Variants in TTBK2 observed in about 807,000 individuals in gnomAD.
The protein encoded by TTBK2 is tau tubulin kinase 2.
In TTBK2, 28 loss-of-function variants were observed where a neutral mutation model predicts 110.8. The ratio of observed to expected loss-of-function variants is 0.25; its 90% CI spans 0.19 to 0.35. The LOEUF (loss-of-function observed/expected upper bound fraction) is 0.35, where lower values mean the gene tolerates loss of function less well. Ranked by LOEUF, TTBK2 falls within the 10% of genes least tolerant of loss-of-function variation. The pLI, the probability that TTBK2 is intolerant of heterozygous loss-of-function variation, is 1.00. For synonymous variants in TTBK2, 532 were observed against 527.3 expected (o/e 1.01, Z -0.12); for missense variants, 1,369 against 1,500.3 (o/e 0.91, Z 1.45).
intron 1 of TTBK2, among the ~76,000 whole-genome samples, chr15:42,904,892 C>A (rs2682074): frequency 6.7e-6 from 1 of 150,092 alleles, no homozygotes. Flanking sequence ...TTTTTTTTGA[C>A]GCAGGGTCTT....
chr15:42,906,678 T>A (rs1255171818), intron 1 of TTBK2, among the ~76,000 whole-genome samples: 12 of 152,082 alleles, frequency 7.9e-5, no homozygotes. Context: ...AATAGATAAT[T>A]GGGATTATAT....
intron 6 of TTBK2, among the ~76,000 whole-genome samples, chr15:42,825,025 T>C (rs1892469079): frequency 6.6e-6 from 1 of 152,204 alleles, no homozygotes; most frequent in South Asian, 2.1e-4. Context: ...GGCAGGAAGA[T>C]CACCTGAGCC....
upstream of TTBK2, among the ~76,000 whole-genome samples, chr15:42,920,973 C>G (rs948908948): frequency 6.6e-6 from 1 of 152,184 alleles, no homozygotes; most frequent in Non-Finnish European, 1.5e-5. Flanking sequence ...CAGAAACCGT[C>G]TCCGCCCCCC....
intron 2 of TTBK2, among the ~76,000 whole-genome samples, chr15:42,874,939 T>G (rs1435416618): frequency 1.4e-5 from 2 of 146,996 alleles, no homozygotes. Flanking sequence ...TGAGCCAAGA[T>G]CACACCATTG....
intron 10 of TTBK2, among the ~76,000 whole-genome samples, chr15:42,791,040 T>C (rs533926514): frequency 2.8e-4 from 43 of 152,088 alleles, no homozygotes; most frequent in Non-Finnish European, 4.6e-4. Flanking sequence ...CCTGCCACCA[T>C]GCCTGGCTAA....
At chr15:42,908,962 T>G (rs1265401377) in intron 1 of TTBK2, among the ~76,000 whole-genome samples, 1 of 152,196 alleles carries the variant, frequency 6.6e-6, no homozygotes, top group East Asian at 1.9e-4. Flanking sequence ...GTAACAAATA[T>G]GACAAATTTA....
At chr15:42,789,889 T>G (rs1221379194) in intron 10 of TTBK2, among the ~76,000 whole-genome samples, 1 of 53,294 alleles carries the variant, frequency 1.9e-5, no homozygotes, top group Non-Finnish European at 4.6e-5. Context: ...ATACATTTTC[T>G]TTATCAATTT....
At chr15:42,811,873 A>G in intron 7 of TTBK2, 93 bp from the exon 8 acceptor site, 3 of 1,105,432 alleles carry the variant, frequency 2.7e-6, no homozygotes, top group Middle Eastern at 2.0e-4. Context: ...TCACCTTATT[A>G]GGCTAAAAAT....
intron 2 of TTBK2, among the ~76,000 whole-genome samples, chr15:42,873,001 T>A (rs1308891154): frequency 6.6e-6 from 1 of 152,160 alleles, no homozygotes; most frequent in Non-Finnish European, 1.5e-5. Flanking sequence ...TCACAAACAA[T>A]TTTAAAATTT....
At chr15:42,792,431 C>A (rs1465584402) in intron 10 of TTBK2, among the ~76,000 whole-genome samples, 3 of 152,174 alleles carry the variant, frequency 2.0e-5, no homozygotes, top group African/African-American at 7.2e-5. Flanking sequence ...CGTCACTCCA[C>A]TAATGAAGGA....
rs56389924 is a variant in TTBK2 at position 42,900,286 on chromosome 15, C to T, written c.-68+20152G>A. 3.0e-3 allele frequency among the ~76,000 whole-genome samples: 458 copies of T among 152,150 alleles called. 2 individuals are homozygous for T. The highest frequency in any genetic ancestry group is 0.011 in the African/African-American group (440 of 41,542). On this transcript the variant is annotated intron_variant, in intron 1 of 14. Coordinates refer to ENST00000267890, the MANE Select transcript of TTBK2 (RefSeq NM_173500.4). ...GGATTACAGGCATGAGCCACCGCAC[C>T]CAGCCTAGAAAAGTTCTTTATGTTT...
At chr15:42,828,111 C>A in intron 5 of TTBK2, 79 bp from the exon 6 acceptor site, 1 of 1,145,168 alleles carries the variant, frequency 8.7e-7, no homozygotes, top group South Asian at 1.3e-5. Flanking sequence ...CATTTTAAGT[C>A]TTCTTCTATT....
At position 42,753,399 on chromosome 15, in the gene TTBK2, G is replaced by C; in HGVS notation, c.1999-152C>G. Reference sequence around the variant, plus strand: ...ACTTATAAGAAAAATGAACAATTCTGAATAACAATGATTGACACTCAAGCT... The same window carrying C: ...ACTTATAAGAAAAATGAACAATTCTCAATAACAATGATTGACACTCAAGCT... On this transcript the variant is annotated intron_variant, in intron 13 of 14. Transcript: ENST00000267890. The C allele has an allele frequency of 3.7e-6, 3 of 801,996 alleles. No individual in the cohort carries two copies. The South Asian group carries it at 5.3e-5, about 14-fold the overall frequency. The allele number at this position is 801,996 out of a possible 1,614,324, so 49.7% of individuals were successfully genotyped here.
chr15:42,893,261 C>A (rs1895533900), intron 1 of TTBK2, among the ~76,000 whole-genome samples: 2 of 151,896 alleles, frequency 1.3e-5, no homozygotes, highest in South Asian at 4.2e-4. Context: ...CTTTGGGAGG[C>A]CAAGGCAGGA....
At chr15:42,885,388 C>A (rs1895201388) in intron 1 of TTBK2, among the ~76,000 whole-genome samples, 2 of 152,230 alleles carry the variant, frequency 1.3e-5, no homozygotes, top group East Asian at 1.9e-4. Context: ...TTTCTCCTTT[C>A]AATCTTGGCG....
At chr15:42,917,337 A>C (rs1479500440) in intron 1 of TTBK2, among the ~76,000 whole-genome samples, 3 of 152,202 alleles carry the variant, frequency 2.0e-5, no homozygotes, top group Non-Finnish European at 4.4e-5. Context: ...TAATGAAAAT[A>C]TACTAAGAAG....
chr15:42,858,367 T>C (rs1006001846), intron 3 of TTBK2, among the ~76,000 whole-genome samples: 3 of 152,228 alleles, frequency 2.0e-5, no homozygotes, highest in Admixed American at 6.5e-5. Context: ...CTATAATTTA[T>C]TTTAAAGTAC....
intron 5 of TTBK2, among the ~76,000 whole-genome samples, chr15:42,829,385 G>C (rs2140984179): frequency 6.6e-6 from 1 of 152,268 alleles, no homozygotes; most frequent in East Asian, 1.9e-4. Context: ...TTAACAAATA[G>C]TTCAAGAACA....
At chr15:42,877,206 GATC>G in intron 2 of TTBK2, among the ~76,000 whole-genome samples, 1 of 152,182 alleles carries the variant, frequency 6.6e-6, no homozygotes, top group East Asian at 1.9e-4. Flanking sequence ...CCTAGGTAAT[GATC>G]ATCAATAGTG....
Sources: allele counts gnomAD v4.1 joint callset (sites outside exome capture counted in the v4.1 genomes callset), GRCh38; gene constraint gnomAD v4.1.1; transcripts MANE v1.5; gene names NCBI Gene and HGNC (gene_info 2026-07-23, HGNC 2026-07-21).